Variants in SNX29 observed in about 807,000 individuals in gnomAD.
SNX29 encodes sorting nexin 29, also known as sorting nexin-29.
In SNX29, 78 loss-of-function variants were observed where a neutral mutation model predicts 102.1. The ratio of observed to expected loss-of-function variants is 0.76; its 90% CI spans 0.64 to 0.92. The LOEUF (loss-of-function observed/expected upper bound fraction) is 0.92. SNX29 is among the 40% of genes least tolerant of loss of function. The pLI is 0.00. For synonymous variants in SNX29, 580 were observed against 414.5 expected (o/e 1.40, Z -4.85); for missense variants, 1,280 against 1,061.7 (o/e 1.21, Z -2.86).
chr16:12,356,401 C>A, intron 16 of SNX29, 122 bp downstream of exon 16: 1 of 765,194 alleles, frequency 1.3e-6, no homozygotes, highest in Non-Finnish European at 2.1e-6. Context: ...CCCACATTCA[C>A]CTCTGCCACA....
intron 3 of SNX29, among the ~76,000 whole-genome samples, chr16:12,024,925 T>C (rs947918971): frequency 1.2e-4 from 18 of 152,176 alleles, no homozygotes; most frequent in African/African-American, 4.1e-4. Flanking sequence ...ATCTAGGTCA[T>C]TGTTGCTATG....
At chr16:12,077,386 GGTGTGTGTGTGTGTGT>G (rs60621681) in intron 10 of SNX29, among the ~76,000 whole-genome samples, 10 of 142,786 alleles carry the variant, frequency 7.0e-5, no homozygotes, top group East Asian at 2.0e-4. Flanking sequence ...TCCTAGTCAT[GGTGTGTGTGTGTGTGT>G]GTGTGTGTGT....
At chr16:12,522,172 C>G (rs1235635943) in intron 19 of SNX29, among the ~76,000 whole-genome samples, 1 of 152,148 alleles carries the variant, frequency 6.6e-6, no homozygotes, top group Non-Finnish European at 1.5e-5. Flanking sequence ...TCAGATAAAC[C>G]AATAATTTTG....
chr16:12,536,293 C>G (rs1378970167), intron 20 of SNX29, among the ~76,000 whole-genome samples: 6 of 152,044 alleles, frequency 3.9e-5, no homozygotes, highest in African/African-American at 9.7e-5. Flanking sequence ...TTCTCACTAG[C>G]TCGTTCTGGG....
chr16:12,288,091 G>C (rs2079658868), intron 15 of SNX29, among the ~76,000 whole-genome samples: 1 of 152,164 alleles, frequency 6.6e-6, no homozygotes, highest in African/African-American at 2.4e-5. Flanking sequence ...AGGAAGTTGA[G>C]GTGGGAAGAT....
chr16:12,466,452 T>C (rs39607), intron 18 of SNX29, among the ~76,000 whole-genome samples: 37,270 of 152,140 alleles, frequency 0.24, 6,244 homozygotes, highest in African/African-American at 0.47. Flanking sequence ...TACAGCAGCA[T>C]AGTGATCATG....
At chr16:12,002,183 C>T (rs1440836440) in intron 2 of SNX29, among the ~76,000 whole-genome samples, 1 of 152,148 alleles carries the variant, frequency 6.6e-6, no homozygotes, top group Non-Finnish European at 1.5e-5. Flanking sequence ...CGCATTGGCT[C>T]ACGCCTGTAA....
rs888057135 is a variant in SNX29 at position 12,570,453 on chromosome 16, G to C, written c.*1824G>C. ...AAATAGAGAGCCCTAATGGACTGAG[G>C]CAGGAAACGTCTAAAAGCTCAATCT... On this transcript the variant is annotated 3_prime_UTR_variant, in exon 21 of 21. Coordinates refer to ENST00000566228, the MANE Select transcript of SNX29 (RefSeq NM_032167.5). 4.2e-6 allele frequency: 1 copy of C among 238,388 alleles called. No individual in the cohort carries two copies. The highest frequency in any genetic ancestry group is 5.6e-5 in the Admixed American group (1 of 17,774). 14.8% of individuals were successfully genotyped at this position (238,388 alleles called of 1,614,324 possible).
intron 14 of SNX29, among the ~76,000 whole-genome samples, chr16:12,258,519 C>T (rs535355752): frequency 2.0e-5 from 3 of 152,224 alleles, no homozygotes; most frequent in Admixed American, 6.5e-5. Context: ...TTGTTACTCC[C>T]GGAAATTCTC....
At chr16:12,545,843 A>G (rs12926189) in intron 20 of SNX29, among the ~76,000 whole-genome samples, 57,178 of 151,754 alleles carry the variant, frequency 0.38, 10,965 homozygotes, top group East Asian at 0.59. Context: ...GGAGGGGAGC[A>G]GATCACCTCT....
intron 15 of SNX29, among the ~76,000 whole-genome samples, chr16:12,304,157 C>T (rs796071070): frequency 6.6e-6 from 1 of 151,478 alleles, no homozygotes; most frequent in African/African-American, 2.4e-5. Context: ...CTTTTGGAGG[C>T]TGTGAATCCT....
intron 20 of SNX29, 40 bp from the exon 21 acceptor site, chr16:12,568,466 C>A (rs1567224643): frequency 6.2e-7 from 1 of 1,604,182 alleles, no homozygotes; most frequent in African/African-American, 1.3e-5. Context: ...ATTTGCTTTT[C>A]ATCCCCAGAC....
chr16:12,101,433 G>T (rs898324046), intron 11 of SNX29, among the ~76,000 whole-genome samples: 1 of 151,330 alleles, frequency 6.6e-6, no homozygotes, highest in Non-Finnish European at 1.5e-5. Context: ...GCCCAGGCTG[G>T]AGTACAGTGG....
intron 18 of SNX29, among the ~76,000 whole-genome samples, chr16:12,407,968 G>A (rs945329227): frequency 7.2e-5 from 11 of 152,174 alleles, no homozygotes; most frequent in African/African-American, 2.4e-4. Flanking sequence ...TTCAGCCTAC[G>A]CAACACAGTG....
chr16:12,179,263 C>A (rs1017385197), intron 13 of SNX29, among the ~76,000 whole-genome samples: 3 of 152,220 alleles, frequency 2.0e-5, no homozygotes, highest in African/African-American at 7.2e-5. Flanking sequence ...ATGGGAGGAT[C>A]ACTTGAGTTC....
intron 18 of SNX29, among the ~76,000 whole-genome samples, chr16:12,455,466 C>G (rs1246089332): frequency 1.3e-5 from 2 of 152,228 alleles, no homozygotes; most frequent in Admixed American, 6.5e-5. Flanking sequence ...TGCTGCCACT[C>G]TGGCTCCCAG....
chr16:12,432,533 G>A (rs779577321), intron 18 of SNX29, among the ~76,000 whole-genome samples: 2 of 152,166 alleles, frequency 1.3e-5, no homozygotes, highest in Non-Finnish European at 2.9e-5. Context: ...GCTGGGCAGG[G>A]CATCCTAAGA....
At chr16:12,182,870 G>A (rs1428517488) in intron 13 of SNX29, among the ~76,000 whole-genome samples, 2 of 144,864 alleles carry the variant, frequency 1.4e-5, no homozygotes, top group South Asian at 4.5e-4. Flanking sequence ...GGAGGCGGAG[G>A]TTGCAGTGAG....
chr16:12,303,545 A>G (rs961691652), intron 15 of SNX29, among the ~76,000 whole-genome samples: 1 of 152,220 alleles, frequency 6.6e-6, no homozygotes, highest in African/African-American at 2.4e-5. Flanking sequence ...AGGTAGGTTA[A>G]GAATTCACAC....
Sources: allele counts gnomAD v4.1 joint callset (sites outside exome capture counted in the v4.1 genomes callset), GRCh38; gene constraint gnomAD v4.1.1; transcripts MANE v1.5; gene names NCBI Gene and HGNC (gene_info 2026-07-23, HGNC 2026-07-21).